Variants in SPATA6 observed in about 807,000 individuals in gnomAD.
The protein encoded by SPATA6 is spermatogenesis-associated protein 6.
Under a neutral mutation model 65.3 loss-of-function variants are expected in SPATA6, and 56 were observed. That is an observed-to-expected ratio of 0.86 (90% CI 0.69 to 1.07). The LOEUF (loss-of-function observed/expected upper bound fraction) is 1.07. Among genes scored for constraint, SPATA6 ranks in the 50% least tolerant of loss-of-function variants. The pLI is 0.00. For synonymous variants in SPATA6, 199 were observed against 213.2 expected, an observed-to-expected ratio of 0.93 and a Z score of 0.58; for missense variants, 590 against 594.8, an observed-to-expected ratio of 0.99 and a Z score of 0.08.
intron 7 of SPATA6, among the ~76,000 whole-genome samples, chr1:48,398,112 T>C (rs1442264168): frequency 6.6e-6 from 1 of 151,544 alleles, no homozygotes; most frequent in African/African-American, 2.4e-5. Context: ...TCACCAAATA[T>C]GCAACTAAAA....
At chr1:48,313,838 G>A (rs4495759) in intron 11 of SPATA6, among the ~76,000 whole-genome samples, 21,722 of 152,106 alleles carry the variant, frequency 0.14, 1,766 homozygotes, top group African/African-American at 0.21. Flanking sequence ...CAAAATAAAG[G>A]GATGGAGGAA....
intron 11 of SPATA6, among the ~76,000 whole-genome samples, chr1:48,307,220 G>A (rs1258766510): frequency 6.6e-6 from 1 of 151,292 alleles, no homozygotes; most frequent in East Asian, 1.9e-4. Context: ...AACTATTCCT[G>A]TGGAGTGATG....
rs747811700 is a variant in SPATA6, at chr1:48,413,170, A to G, written c.239-19T>C. ...GTATCATCTAAAAGTTTAAAGAAAA[A>G]TTTCCTTAAATAAACAAATTAATAA... On this transcript the variant is annotated intron_variant, in intron 3 of 12. Coordinates refer to ENST00000371847, the MANE Select transcript of SPATA6 (RefSeq NM_019073.4). The G allele has an allele frequency of 7.2e-7, 1 of 1,390,826 alleles. No homozygotes were observed. Among genetic ancestry groups the G allele is most frequent in the Non-Finnish European group, 9.4e-7 (1 of 1,062,262 alleles). 86.2% of individuals were successfully genotyped at this position (1,390,826 alleles called of 1,614,324 possible). A position where few individuals can be genotyped will look rare whatever the true frequency, so the allele number is the denominator to read the frequency against.
At chr1:48,399,240 G>T in intron 7 of SPATA6, 111 bp downstream of exon 7, 1 of 1,257,738 alleles carries the variant, frequency 8.0e-7, no homozygotes, top group East Asian at 2.5e-5. Flanking sequence ...GCAGTCAGAA[G>T]AGAAAAGTAT....
chr1:48,391,369 T>C (rs762652600), intron 8 of SPATA6, among the ~76,000 whole-genome samples: 1 of 151,388 alleles, frequency 6.6e-6, no homozygotes, highest in Non-Finnish European at 1.5e-5. Context: ...AGCAAGATCC[T>C]GTCTCAAAAA....
intron 11 of SPATA6, among the ~76,000 whole-genome samples, chr1:48,329,448 CAA>C (rs1041163530): frequency 1.3e-5 from 2 of 152,120 alleles, no homozygotes; most frequent in African/African-American, 4.8e-5. Flanking sequence ...AAAAGCGACA[CAA>C]ACTGTTATTC....
At chr1:48,302,324 G>A (rs1644959074) in intron 12 of SPATA6, among the ~76,000 whole-genome samples, 1 of 152,120 alleles carries the variant, frequency 6.6e-6, no homozygotes, top group African/African-American at 2.4e-5. Flanking sequence ...GTTCAATAGT[G>A]AACACTAACC....
At chr1:48,441,774 G>C (rs561639267) in intron 3 of SPATA6, among the ~76,000 whole-genome samples, 108 of 152,206 alleles carry the variant, frequency 7.1e-4, no homozygotes, top group Non-Finnish European at 1.3e-3. Flanking sequence ...TTTATGGGTA[G>C]TTGCAGCGGT....
chr1:48,268,473 A>G, the SPATA6 span, among the ~76,000 whole-genome samples: 2 of 152,056 alleles, frequency 1.3e-5, no homozygotes, highest in African/African-American at 4.8e-5. Context: ...CTTCTGCTGA[A>G]CTAGAGTGAT....
At chr1:48,403,273 G>T (rs973953905) in intron 6 of SPATA6, among the ~76,000 whole-genome samples, 6 of 152,072 alleles carry the variant, frequency 3.9e-5, no homozygotes, top group African/African-American at 1.4e-4. Context: ...TCCTTAGGCT[G>T]GAATGTCCAA....
the SPATA6 span, among the ~76,000 whole-genome samples, chr1:48,268,780 A>G: frequency 6.6e-6 from 1 of 152,220 alleles, no homozygotes; most frequent in South Asian, 2.1e-4. Context: ...GTTTTTAAAA[A>G]CTGAAATAAT....
chr1:48,431,467 C>T (rs1165916927), intron 3 of SPATA6, among the ~76,000 whole-genome samples: 1 of 152,142 alleles, frequency 6.6e-6, no homozygotes, highest in Non-Finnish European at 1.5e-5. Context: ...CACAACAACA[C>T]ACATATTTTT....
intron 3 of SPATA6, among the ~76,000 whole-genome samples, chr1:48,423,663 T>C (rs1454430168): frequency 1.4e-5 from 2 of 147,714 alleles, no homozygotes; most frequent in African/African-American, 5.0e-5. Context: ...TTCTCCAGTC[T>C]CAGCCTCCCG....
At chr1:48,330,828 T>G (rs1370891535) in intron 11 of SPATA6, among the ~76,000 whole-genome samples, 1 of 152,144 alleles carries the variant, frequency 6.6e-6, no homozygotes, top group African/African-American at 2.4e-5. Flanking sequence ...AACCCCATCT[T>G]TCTCCCAGGA....
chr1:48,413,123 C>T lies in SPATA6; in HGVS notation c.267G>A (p.Gln89=). ...EYDTAVFELI[Q]LVPPVGETLS... ...AATATATATTACCTGGTGGAACTAG[C>T]TGTATCAACTCGAACACTGCTGTAT... Residue 89 remains glutamine (Q), a synonymous_variant, in exon 4 of 13, where the codon CAG becomes CAA. Transcript: ENST00000371847. 7.2e-7 allele frequency: 1 copy of T among 1,384,268 alleles called. No homozygotes were observed. The highest frequency in any genetic ancestry group is 9.4e-7 in the Non-Finnish European group (1 of 1,062,338). The allele number at this position is 1,384,268 out of a possible 1,614,324, so 85.7% of individuals were successfully genotyped here.
Position 48,452,991 on chromosome 1 carries a change from C to T in SPATA6, c.189+3G>A. 6.2e-7 allele frequency: 1 copy of T among 1,610,404 alleles called. No individual in the cohort carries two copies. ...TAATACTTGATCTGATATTTGAACT[C>T]ACCTTTTCAAACACCATTCTGGCAT... On this transcript the variant is annotated splice_donor_region_variant and intron_variant, in intron 2 of 12. Coordinates refer to ENST00000371847, the MANE Select transcript of SPATA6 (RefSeq NM_019073.4).
chr1:48,352,510 G>A (rs556889925), intron 11 of SPATA6, among the ~76,000 whole-genome samples: 1 of 152,004 alleles, frequency 6.6e-6, no homozygotes, highest in East Asian at 1.9e-4. Flanking sequence ...GCAAAGAACA[G>A]TTTAAAAGCA....
chr1:48,283,697 A>AAAAAAAGAAAGAAAGAAAGAAAGAAAG, the SPATA6 span, among the ~76,000 whole-genome samples: 3 of 11,992 alleles, frequency 2.5e-4, no homozygotes, highest in African/African-American at 1.8e-4. Context: ...AAAAAAAAAA[A>AAAAAAAGAAAGAAAGAAAGAAAGAAAG]AAAGAAAGAA....
chr1:48,277,099 C>CT, the SPATA6 span, among the ~76,000 whole-genome samples: 6,255 of 126,352 alleles, frequency 0.05, 266 homozygotes, highest in African/African-American at 0.11. Context: ...TTGTTTTTTG[C>CT]TTTTTTTTTT....
Sources: allele counts gnomAD v4.1 joint callset (sites outside exome capture counted in the v4.1 genomes callset), GRCh38; gene constraint gnomAD v4.1.1; transcripts MANE v1.5; gene names NCBI Gene and HGNC (gene_info 2026-07-23, HGNC 2026-07-21).